AGPAT5: variants seen among roughly 807,000 people sequenced by gnomAD.
AGPAT5 encodes the protein 1-acyl-sn-glycerol-3-phosphate acyltransferase epsilon.
AGPAT5 carries 46 observed loss-of-function variants against 45.6 expected under a neutral mutation model. The ratio of observed to expected loss-of-function variants is 1.01; its 90% CI spans 0.80 to 1.29. The LOEUF is 1.29. Among genes scored for constraint, AGPAT5 ranks in the 50% most tolerant of loss-of-function variants. The probability of loss-of-function intolerance (pLI) is 0.00; values close to 1 mark genes in which losing one functional copy is unlikely to be tolerated. For synonymous variants in AGPAT5, 272 were observed against 167.0 expected, an observed-to-expected ratio of 1.63 and a Z score of -4.85; for missense variants, 673 against 450.7, an observed-to-expected ratio of 1.49 and a Z score of -4.47.
chr8:6,744,523 G>T (rs1039738361), intron 5 of AGPAT5, among the ~76,000 whole-genome samples: 3 of 152,170 alleles, frequency 2.0e-5, no homozygotes, highest in Non-Finnish European at 4.4e-5. Flanking sequence ...GGCTTGGGGG[G>T]ATCTTGTTCT....
chr8:6,737,417 T>C (rs1801092853), intron 4 of AGPAT5, among the ~76,000 whole-genome samples: 1 of 152,228 alleles, frequency 6.6e-6, no homozygotes, highest in African/African-American at 2.4e-5. Context: ...CAGTTCTTAT[T>C]CGGTATTAGT....
At chr8:6,729,376 GA>G (rs1177827540) in intron 2 of AGPAT5, among the ~76,000 whole-genome samples, 1 of 139,846 alleles carries the variant, frequency 7.2e-6, no homozygotes, top group Non-Finnish European at 1.5e-5. Flanking sequence ...TCCTTCCTCT[GA>G]CTCACTCCTT....
chr8:6,725,546 A>G (rs1178845018), intron 2 of AGPAT5, among the ~76,000 whole-genome samples: 1 of 152,224 alleles, frequency 6.6e-6, no homozygotes, highest in Non-Finnish European at 1.5e-5. Context: ...TTGCAAAAAG[A>G]GTACATTGTC....
intron 4 of AGPAT5, among the ~76,000 whole-genome samples, chr8:6,733,978 A>G (rs548334919): frequency 3.9e-5 from 6 of 152,158 alleles, no homozygotes; most frequent in Admixed American, 2.0e-4. Flanking sequence ...TACACTTGTC[A>G]TGTGTCTTGT....
chr8:6,727,375 G>T (rs1300542261), intron 2 of AGPAT5, among the ~76,000 whole-genome samples: 4 of 148,650 alleles, frequency 2.7e-5, no homozygotes, highest in Non-Finnish European at 5.9e-5. Context: ...ATCTACTTTT[G>T]ACAACACTTT....
At chr8:6,752,039 C>T (rs1049716226) in intron 6 of AGPAT5, among the ~76,000 whole-genome samples, 3 of 151,982 alleles carry the variant, frequency 2.0e-5, no homozygotes, top group African/African-American at 7.3e-5. Flanking sequence ...TAGCCGGGCA[C>T]AGTGGTAGGC....
intron 2 of AGPAT5, among the ~76,000 whole-genome samples, chr8:6,725,217 A>C (rs1367672321): frequency 1.3e-5 from 2 of 152,030 alleles, no homozygotes; most frequent in African/African-American, 4.8e-5. Flanking sequence ...CTCTTTAAAG[A>C]GTGTATTCAT....
chr8:6,722,840 C>A (rs1447284907), intron 1 of AGPAT5, among the ~76,000 whole-genome samples: 1 of 150,728 alleles, frequency 6.6e-6, no homozygotes, highest in African/African-American at 2.5e-5. Context: ...ATTTTTTTTT[C>A]TGTAGGGGAT....
At chr8:6,714,580 A>G (rs982437986) in intron 1 of AGPAT5, among the ~76,000 whole-genome samples, 5 of 152,226 alleles carry the variant, frequency 3.3e-5, no homozygotes, top group Non-Finnish European at 7.3e-5. Context: ...TTATACATTC[A>G]AACACTGCCA....
chr8:6,724,357 G>C (rs1353021056), intron 1 of AGPAT5, among the ~76,000 whole-genome samples: 1 of 152,012 alleles, frequency 6.6e-6, no homozygotes, highest in Non-Finnish European at 1.5e-5. Flanking sequence ...TCATCTGCCA[G>C]AATCCTACCT....
intron 2 of AGPAT5, among the ~76,000 whole-genome samples, chr8:6,728,696 C>T (rs1261131689): frequency 6.6e-6 from 1 of 152,130 alleles, no homozygotes; most frequent in East Asian, 1.9e-4. Flanking sequence ...AACTATATTT[C>T]CAAGATGTGC....
At chr8:6,742,472 G>A (rs1320080462) in intron 5 of AGPAT5, among the ~76,000 whole-genome samples, 1 of 152,154 alleles carries the variant, frequency 6.6e-6, no homozygotes, top group Admixed American at 6.5e-5. Flanking sequence ...GTGATTTAGT[G>A]TGTGATCTCC....
intron 2 of AGPAT5, among the ~76,000 whole-genome samples, chr8:6,728,761 C>T (rs552677909): frequency 2.6e-5 from 4 of 152,174 alleles, no homozygotes; most frequent in Non-Finnish European, 4.4e-5. Context: ...AATTTATTGT[C>T]TGCTTACTTT....
intron 2 of AGPAT5, among the ~76,000 whole-genome samples, chr8:6,727,963 C>G (rs1045722770): frequency 6.6e-6 from 1 of 152,172 alleles, no homozygotes; most frequent in Admixed American, 6.5e-5. Flanking sequence ...GGTAGCGTAC[C>G]TGGCTCATAG....
At chr8:6,739,548 A>G (rs1801168381) in intron 4 of AGPAT5, among the ~76,000 whole-genome samples, 2 of 152,128 alleles carry the variant, frequency 1.3e-5, no homozygotes, top group South Asian at 4.1e-4. Flanking sequence ...ATTGTAGATG[A>G]CATTTAAAAA....
intron 5 of AGPAT5, among the ~76,000 whole-genome samples, chr8:6,744,165 G>A (rs992506781): frequency 1.3e-5 from 2 of 152,026 alleles, no homozygotes; most frequent in Non-Finnish European, 2.9e-5. Context: ...ACATAAACTA[G>A]AAAAATGGGA....
At chr8:6,742,663 C>CT (rs1229009250) in intron 5 of AGPAT5, among the ~76,000 whole-genome samples, 1 of 152,164 alleles carries the variant, frequency 6.6e-6, no homozygotes, top group Non-Finnish European at 1.5e-5. Flanking sequence ...GTGCATGAAA[C>CT]TAATTTTTAA....
At chr8:6,719,829 C>G (rs958690188) in intron 1 of AGPAT5, among the ~76,000 whole-genome samples, 2 of 152,150 alleles carry the variant, frequency 1.3e-5, no homozygotes, top group Non-Finnish European at 2.9e-5. Context: ...ATGTTCTAAT[C>G]CGAGTGAACC....
chr8:6,753,107 A>G (rs1172622118), intron 6 of AGPAT5, among the ~76,000 whole-genome samples: 2 of 152,224 alleles, frequency 1.3e-5, no homozygotes, highest in Non-Finnish European at 2.9e-5. Context: ...GCATGCCGTA[A>G]ACACATTCTG....
Sources: allele counts gnomAD v4.1 joint callset (sites outside exome capture counted in the v4.1 genomes callset), GRCh38; gene constraint gnomAD v4.1.1; transcripts MANE v1.5; gene names NCBI Gene and HGNC (gene_info 2026-07-23, HGNC 2026-07-21).